Variants in EDIL3 observed in about 807,000 individuals in gnomAD.
EDIL3 encodes EGF-like repeat and discoidin I-like domain-containing protein 3.
EDIL3 carries 37 observed loss-of-function variants against 67.4 expected under a neutral mutation model. The ratio of observed to expected loss-of-function variants is 0.55; its 90% CI spans 0.42 to 0.72. EDIL3 has a LOEUF of 0.72. EDIL3 is among the 30% of genes least tolerant of loss of function. EDIL3 has a pLI of 0.00. For missense variants in EDIL3, 527 were observed against 586.3 expected (o/e 0.90, Z 1.04); for synonymous variants, 195 against 196.3 (o/e 0.99, Z 0.05).
intron 5 of EDIL3, among the ~76,000 whole-genome samples, chr5:84,131,241 C>T (rs979798515): frequency 6.6e-6 from 1 of 152,044 alleles, no homozygotes; most frequent in Non-Finnish European, 1.5e-5. Context: ...GCCTATCAAT[C>T]TACATCCATC....
intron 3 of EDIL3, among the ~76,000 whole-genome samples, chr5:84,184,505 T>C (rs1301633460): frequency 2.0e-5 from 3 of 152,216 alleles, no homozygotes; most frequent in African/African-American, 4.8e-5. Context: ...AGATGCTATG[T>C]GAATTGCTTC....
intron 3 of EDIL3, among the ~76,000 whole-genome samples, chr5:84,216,700 T>C (rs1744232956): frequency 6.6e-6 from 1 of 152,190 alleles, no homozygotes; most frequent in Non-Finnish European, 1.5e-5. Flanking sequence ...CCTCTGCATA[T>C]TGACTGAATA....
intron 1 of EDIL3, among the ~76,000 whole-genome samples, chr5:84,366,553 A>G (rs988162539): frequency 6.6e-6 from 1 of 152,200 alleles, no homozygotes; most frequent in Non-Finnish European, 1.5e-5. Flanking sequence ...ACATTATTCT[A>G]TAAATATGTA....
At chr5:84,140,715 TA>T (rs1416415134) in intron 4 of EDIL3, among the ~76,000 whole-genome samples, 1 of 152,158 alleles carries the variant, frequency 6.6e-6, no homozygotes, top group Non-Finnish European at 1.5e-5. Context: ...TCAATGTTTT[TA>T]AAACTCAAAA....
intron 1 of EDIL3, among the ~76,000 whole-genome samples, chr5:84,282,973 C>A (rs548251097): frequency 6.6e-6 from 1 of 152,004 alleles, no homozygotes; most frequent in Admixed American, 6.6e-5. Flanking sequence ...TCGATTTGTT[C>A]TTGAAATTAC....
At chr5:84,075,501 A>G (rs1746836301) in intron 6 of EDIL3, among the ~76,000 whole-genome samples, 1 of 151,652 alleles carries the variant, frequency 6.6e-6, no homozygotes, top group Admixed American at 6.6e-5. Context: ...TTTGAGACGG[A>G]GTCTTCCTCT....
At chr5:84,379,950 C>T (rs2112223220) in intron 1 of EDIL3, among the ~76,000 whole-genome samples, 1 of 152,024 alleles carries the variant, frequency 6.6e-6, no homozygotes, top group Non-Finnish European at 1.5e-5. Context: ...CTGGTGAGGG[C>T]ACAGTTGATT....
chr5:84,051,161 C>A (rs544509051), intron 9 of EDIL3, among the ~76,000 whole-genome samples: 1 of 152,186 alleles, frequency 6.6e-6, no homozygotes, highest in African/African-American at 2.4e-5. Flanking sequence ...TCACCAATAT[C>A]CACTGTTCTG....
intron 5 of EDIL3, among the ~76,000 whole-genome samples, chr5:84,132,287 G>GTATATATTTTATATATAATATATATAA (rs1561440448): frequency 5.2e-4 from 45 of 86,098 alleles, no homozygotes; most frequent in African/African-American, 2.1e-3. Context: ...TTCATATATA[G>GTATATATTTTATATATAATATATATAA]TATATATTTT....
At chr5:84,375,444 T>C (rs977588416) in intron 1 of EDIL3, among the ~76,000 whole-genome samples, 7 of 152,216 alleles carry the variant, frequency 4.6e-5, no homozygotes, top group African/African-American at 9.7e-5. Context: ...TGATGTGGTT[T>C]GAGATTATTT....
At chr5:84,125,500 A>G (rs1168756914) in intron 5 of EDIL3, among the ~76,000 whole-genome samples, 1 of 152,048 alleles carries the variant, frequency 6.6e-6, no homozygotes, top group Admixed American at 6.6e-5. Flanking sequence ...GGAAGCATAC[A>G]CTTCCTTAAA....
At chr5:84,282,725 C>G (rs143070820) in intron 1 of EDIL3, among the ~76,000 whole-genome samples, 9 of 152,276 alleles carry the variant, frequency 5.9e-5, no homozygotes, top group Non-Finnish European at 1.3e-4. Context: ...GGGTTAAAGT[C>G]TCTACTGCTT....
chr5:84,089,616 C>T (rs1470834198), intron 6 of EDIL3, among the ~76,000 whole-genome samples: 2 of 152,208 alleles, frequency 1.3e-5, no homozygotes, highest in Non-Finnish European at 2.9e-5. Flanking sequence ...ACACGGACCA[C>T]TTACATGTCA....
intron 9 of EDIL3, among the ~76,000 whole-genome samples, chr5:83,971,114 G>T (rs1157528418): frequency 6.6e-6 from 1 of 150,578 alleles, no homozygotes; most frequent in African/African-American, 2.4e-5. Context: ...TAATATTATA[G>T]ATTTATTTTT....
chr5:83,986,287 T>C (rs1351864892), intron 9 of EDIL3, among the ~76,000 whole-genome samples: 14 of 152,132 alleles, frequency 9.2e-5, no homozygotes, highest in Non-Finnish European at 1.6e-4. Flanking sequence ...CAAGATGTAG[T>C]TTATATTACC....
chr5:84,063,646 G>T (rs2112238417), intron 8 of EDIL3, among the ~76,000 whole-genome samples: 1 of 152,182 alleles, frequency 6.6e-6, no homozygotes, highest in Admixed American at 6.5e-5. Context: ...TTTAGGAAGA[G>T]AAACAGATAT....
At chr5:84,257,233 C>T (rs1745138685) in intron 1 of EDIL3, among the ~76,000 whole-genome samples, 2 of 152,104 alleles carry the variant, frequency 1.3e-5, no homozygotes, top group Non-Finnish European at 2.9e-5. Context: ...GATGATAATG[C>T]TAAATCGAGT....
At chr5:84,011,516 C>T (rs1745516441) in intron 9 of EDIL3, among the ~76,000 whole-genome samples, 1 of 152,120 alleles carries the variant, frequency 6.6e-6, no homozygotes, top group South Asian at 2.1e-4. Context: ...TTCATATATG[C>T]CAACATTACC....
At chr5:84,272,525 A>T (rs1311089526) in intron 1 of EDIL3, among the ~76,000 whole-genome samples, 1 of 152,168 alleles carries the variant, frequency 6.6e-6, no homozygotes, top group African/African-American at 2.4e-5. Flanking sequence ...ATGTATGTGT[A>T]GGTATATATA....
Sources: allele counts gnomAD v4.1 joint callset (sites outside exome capture counted in the v4.1 genomes callset), GRCh38; gene constraint gnomAD v4.1.1; transcripts MANE v1.5; gene names NCBI Gene and HGNC (gene_info 2026-07-23, HGNC 2026-07-21).